MYOM1: variants seen among roughly 807,000 people sequenced by gnomAD.
MYOM1 encodes myomesin 1.
Under a neutral mutation model 205.3 loss-of-function variants are expected in MYOM1, and 164 were observed. That is an observed-to-expected ratio of 0.80 (90% confidence interval 0.70 to 0.91). MYOM1 has a LOEUF of 0.91. Among genes scored for constraint, MYOM1 ranks in the 40% least tolerant of loss-of-function variants. MYOM1 has a pLI of 0.00. For missense variants in MYOM1, 2,011 were observed against 2,127.3 expected (o/e 0.95, Z 1.08); for synonymous variants, 772 against 789.4 (o/e 0.98, Z 0.37).
the MYOM1 span, among the ~76,000 whole-genome samples, chr18:3,228,382 A>C: frequency 3.3e-5 from 5 of 152,240 alleles, no homozygotes; most frequent in Non-Finnish European, 1.5e-5. The surrounding 1 kb of genome is among the most constrained non-coding windows in gnomAD (Gnocchi z 4.5). Context: ...CTATATGAAC[A>C]GTCCTGCAGA....
intron 33 of MYOM1, among the ~76,000 whole-genome samples, chr18:3,082,527 A>G (rs1567895420): frequency 6.6e-6 from 1 of 151,804 alleles, no homozygotes; most frequent in Non-Finnish European, 1.5e-5. Context: ...AGTGTAAGGA[A>G]ACTTATTATC....
intron 22 of MYOM1, 132 bp from the exon 23 acceptor site, chr18:3,102,762 T>C (rs1338404438): frequency 1.2e-6 from 1 of 860,650 alleles, no homozygotes; most frequent in African/African-American, 1.7e-5. Flanking sequence ...GCTTCACTAC[T>C]CATGCAGGTG....
chr18:3,242,839 C>T, the MYOM1 span, among the ~76,000 whole-genome samples: 2 of 152,318 alleles, frequency 1.3e-5, no homozygotes, highest in East Asian at 3.9e-4. Context: ...AGAATGAAAA[C>T]AGACTAATAC....
chr18:3,147,526 T>TG (rs1040700765), intron 13 of MYOM1, among the ~76,000 whole-genome samples: 21 of 152,008 alleles, frequency 1.4e-4, no homozygotes, highest in Non-Finnish European at 2.1e-4. Flanking sequence ...GAAACAACTT[T>TG]GGGGGGGAAA....
chr18:3,110,740 CT>C (rs60485833), intron 22 of MYOM1, among the ~76,000 whole-genome samples: 102,549 of 141,346 alleles, frequency 0.73, 37,463 homozygotes, highest in African/African-American at 0.84. Flanking sequence ...TCTTTTTTTT[CT>C]TTTTTTTTTT....
intron 19 of MYOM1, among the ~76,000 whole-genome samples, chr18:3,125,490 AC>A (rs2079766018): frequency 6.6e-6 from 1 of 151,270 alleles, no homozygotes; most frequent in South Asian, 2.1e-4. Context: ...GCAGTGGCTC[AC>A]GCTTGTAATC....
rs577573213 is a variant in MYOM1 at position 3,120,559 on chromosome 18, C to T, written c.2992-564G>A. Among the ~76,000 whole-genome samples, 18 of 152,258 alleles carry T rather than the reference C, an allele frequency of 1.2e-4. 1 individual carries two copies. In the South Asian group the frequency reaches 3.5e-3, roughly 30 times the overall value. ...ACATGAATGTGGCCCAGCTGATAAC[C>T]GGATTGCAGCCCTGTGAGATCCTGA... is the stretch of plus-strand genomic sequence containing the variant. On this transcript the variant is annotated intron_variant, in intron 19 of 37. Transcript: ENST00000356443.
At chr18:3,231,441 GA>G in the MYOM1 span, among the ~76,000 whole-genome samples, 1 of 151,370 alleles carries the variant, frequency 6.6e-6, no homozygotes, top group African/African-American at 2.4e-5. Flanking sequence ...TTTGGCCCAT[GA>G]AACCCTTGAG....
chr18:3,171,363 G>T (rs140182172), intron 8 of MYOM1, among the ~76,000 whole-genome samples: 4 of 152,172 alleles, frequency 2.6e-5, no homozygotes, highest in South Asian at 2.1e-4. Flanking sequence ...GCTGCCTTAG[G>T]GGGTAGAGGT....
At chr18:3,124,478 G>A (rs962166320) in intron 19 of MYOM1, among the ~76,000 whole-genome samples, 7 of 151,230 alleles carry the variant, frequency 4.6e-5, no homozygotes, top group East Asian at 1.9e-4. Flanking sequence ...CTGAGTGCCC[G>A]CCACCACGCC....
chr18:3,186,796 AAGAAAG>A (rs1296383859), intron 5 of MYOM1, among the ~76,000 whole-genome samples: 17 of 98,768 alleles, frequency 1.7e-4, no homozygotes, highest in Admixed American at 1.2e-3. Context: ...GAGAGAAAGA[AAGAAAG>A]AGAAAGAAAG....
intron 10 of MYOM1, among the ~76,000 whole-genome samples, chr18:3,161,472 T>TGCACTAAGCAGAAGTGATGAGG (rs927765613): frequency 6.6e-5 from 10 of 152,262 alleles, no homozygotes; most frequent in Admixed American, 3.9e-4. Context: ...GTGCTAAGTG[T>TGCACTAAGCAGAAGTGATGAGG]GCACTAAGCA....
chr18:3,231,532 TC>T, the MYOM1 span, among the ~76,000 whole-genome samples: 1 of 142,794 alleles, frequency 7.0e-6, no homozygotes, highest in Non-Finnish European at 1.5e-5. Flanking sequence ...AAAATATGCA[TC>T]CTTTTTTTTT....
intron 22 of MYOM1, among the ~76,000 whole-genome samples, chr18:3,106,526 T>A (rs1567908384): frequency 1.3e-5 from 2 of 152,190 alleles, no homozygotes; most frequent in Non-Finnish European, 2.9e-5. Context: ...AAAATTGTAA[T>A]TTAAAATTAG....
chr18:3,215,251 C>T lies in MYOM1; in HGVS notation c.-28G>A. 6.4e-7 allele frequency: 1 copy of T among 1,573,440 alleles called. No homozygotes were observed. Among genetic ancestry groups the T allele is most frequent in the Non-Finnish European group, 8.6e-7 (1 of 1,156,838 alleles). ...TGTGCCCCTTGAAGGAACCGGGCCA[C>T]CTGAAGGAAAACAACACTTTTTGAG... is the stretch of plus-strand genomic sequence containing the variant. On this transcript the variant is annotated splice_region_variant and 5_prime_UTR_variant, in exon 2 of 38. The change creates a new upstream start codon in the 5' untranslated region. Transcript: ENST00000356443.
chr18:3,181,895 G>A (rs1039490161), intron 5 of MYOM1, among the ~76,000 whole-genome samples: 69 of 151,714 alleles, frequency 4.5e-4, no homozygotes, highest in African/African-American at 1.5e-3. Flanking sequence ...CACCACACCC[G>A]GCTAATTTTT....
chr18:3,217,022 T>C (rs1279981104), intron 1 of MYOM1: 1 of 152,134 alleles, frequency 6.6e-6, no homozygotes, highest in Non-Finnish European at 1.5e-5. Flanking sequence ...AATATGTATA[T>C]AACAGAGGGA....
intron 3 of MYOM1, among the ~76,000 whole-genome samples, chr18:3,191,886 C>T (rs1001881482): frequency 3.0e-4 from 45 of 152,018 alleles, no homozygotes; most frequent in African/African-American, 9.7e-4. Flanking sequence ...TTAGTAGAGA[C>T]CGGGTTTCAC....
At chr18:3,211,968 T>C (rs984243078) in intron 2 of MYOM1, among the ~76,000 whole-genome samples, 3 of 152,212 alleles carry the variant, frequency 2.0e-5, no homozygotes, top group Non-Finnish European at 2.9e-5. Context: ...AATGCTTTCA[T>C]TTAGCAGGAA....
Sources: gnomAD v4.1 joint callset for allele counts (sites outside exome capture counted in the v4.1 genomes callset) on GRCh38, gnomAD v4.1.1 for gene constraint, Gnocchi (gnomAD v3.1) non-coding constraint, MANE v1.5 for transcripts, NCBI Gene and HGNC (gene_info 2026-07-23, HGNC 2026-07-21) for gene names.